FAM151A: variants seen among roughly 807,000 people sequenced by gnomAD.
FAM151A encodes family with sequence similarity 151 member A, also known as protein FAM151A.
FAM151A carries 41 observed loss-of-function variants against 40.4 expected under a neutral mutation model. That is an observed-to-expected ratio of 1.01 (90% CI 0.79 to 1.32). FAM151A has a LOEUF of 1.32. FAM151A is among the 40% of genes most tolerant of loss of function. The pLI is 0.00. For synonymous variants in FAM151A, 337 were observed against 312.5 expected (o/e 1.08, Z -0.83); for missense variants, 740 against 740.4 (o/e 1.00, Z 0.01).
intron 1 of FAM151A, 32 bp downstream of exon 1, chr1:54,623,246 C>A (rs1268047761): frequency 6.9e-7 from 1 of 1,458,152 alleles, no homozygotes; most frequent in South Asian, 1.1e-5. Context: ...ATGAGGGAAG[C>A]CACTCAGGAT....
chr1:54,615,894 G>A (rs1309600470), intron 3 of FAM151A, 126 bp downstream of exon 3: 8 of 968,922 alleles, frequency 8.3e-6, no homozygotes, highest in Non-Finnish European at 1.1e-5. Context: ...ACATTGTGAT[G>A]AGAAAGCCAA....
At chr1:54,615,633 A>G (rs1266887408) in intron 3 of FAM151A, among the ~76,000 whole-genome samples, 1 of 147,722 alleles carries the variant, frequency 6.8e-6, no homozygotes, top group African/African-American at 2.5e-5. Flanking sequence ...AGGGAGAGGG[A>G]GGCATTATGG....
In FAM151A at chr1:54,612,467, TGGG is replaced by T; in HGVS notation, c.800+16_800+18del. On this transcript the variant is annotated intron_variant, in intron 5 of 7. Coordinates refer to ENST00000302250, the MANE Select transcript of FAM151A (RefSeq NM_176782.3). ...ATCAGTGCCTCCAGGAGGGTGGGGG[TGGG>T]TTTGGTGGTTTTCACCTCTCAGATT... 1 of 1,563,032 alleles carries T rather than the reference TGGG, an allele frequency of 6.4e-7. No homozygotes were observed. Among genetic ancestry groups the T allele is most frequent in the South Asian group, 1.1e-5 (1 of 89,634 alleles).
In FAM151A at chr1:54,609,457, T is replaced by C; in HGVS notation, c.1569A>G (p.Gly523=). ...QAMLLGHSTA[G]AIGRLLASSP... ...AGGATGCCAGCAGCCTGCCTATGGC[T>C]CCAGCTGTGCTGTGGCCCAGCAGCA... The change falls in exon 8 of 8, where the codon GGA becomes GGG. Residue 523 remains glycine, a synonymous_variant. Coordinates refer to ENST00000302250, the MANE Select transcript of FAM151A (RefSeq NM_176782.3). 1.2e-6 allele frequency: 2 copies of C among 1,613,628 alleles called. No individual in the cohort carries two copies. The highest frequency in any genetic ancestry group is 8.5e-7 in the Non-Finnish European group (1 of 1,179,992).
intron 1 of FAM151A, chr1:54,621,716 G>T: frequency 6.5e-6 from 1 of 152,882 alleles, no homozygotes. Context: ...GAGGGCAGAG[G>T]GCAGAAAGGC....
intron 2 of FAM151A, among the ~76,000 whole-genome samples, chr1:54,617,104 C>A (rs149602138): frequency 1.1e-3 from 169 of 152,364 alleles, no homozygotes; most frequent in African/African-American, 3.9e-3. Flanking sequence ...CACATCATCA[C>A]TGACACTGAG....
In FAM151A at chr1:54,614,773, G is replaced by T. The variant is rs770058917; in HGVS notation, c.502C>A (p.Arg168=). The T allele has an allele frequency of 2.5e-6, 4 of 1,614,114 alleles. No homozygotes were observed. Among genetic ancestry groups the T allele is most frequent in the East Asian group, 2.2e-5 (1 of 44,880 alleles). ...ATGTCAGCGTTGATCCATATGGGCC[G>T]CCGGACTTTGCCTTCCTCTGTCAGC... The part of the protein sequence containing the change: ...RQLTEEGKVR[R]PIWINADILK... Residue 168 remains arginine, a synonymous_variant, in exon 4 of 8, where the codon CGG becomes AGG. Coordinates refer to ENST00000302250, the MANE Select transcript of FAM151A (RefSeq NM_176782.3).
At chr1:54,621,618 G>A (rs1387272832) in intron 1 of FAM151A, 2 of 152,464 alleles carry the variant, frequency 1.3e-5, no homozygotes, top group African/African-American at 4.8e-5. Context: ...AGAGCTAACA[G>A]GAGCTGACAA....
intron 6 of FAM151A, 180 bp from the exon 7 acceptor site, chr1:54,610,735 ATAAGCAG>A (rs150199047): frequency 0.035 from 34,171 of 982,214 alleles, 801 homozygotes; most frequent in East Asian, 0.17. Context: ...CCAAGGTCTT[ATAAGCAG>A]TAAGCAAAGT....
intron 6 of FAM151A, 69 bp downstream of exon 6, chr1:54,611,537 C>T: frequency 6.5e-7 from 1 of 1,541,996 alleles, no homozygotes; most frequent in Non-Finnish European, 8.9e-7. Context: ...CAGCTCTGCT[C>T]CAGTGCCCAC....
chr1:54,609,260 C>G lies in FAM151A; in HGVS notation c.*8G>C. The stretch of plus-strand genomic sequence containing the variant: ...CCTGAGGTCCGCTGGCCCACCACCC[C>G]TGGGTGCTCAGTTTCTACCAACATG... On this transcript the variant is annotated 3_prime_UTR_variant, in exon 8 of 8. Coordinates refer to ENST00000302250, the MANE Select transcript of FAM151A (RefSeq NM_176782.3). 6.2e-7 allele frequency: 1 copy of G among 1,600,424 alleles called. No homozygotes were observed. The highest frequency in any genetic ancestry group is 8.5e-7 in the Non-Finnish European group (1 of 1,171,230).
rs765149719 is a variant in FAM151A at position 54,616,147 on chromosome 1, G to A, written c.288C>T (p.Asp96=). The A allele has an allele frequency of 2.2e-5, 35 of 1,613,986 alleles. 1 individual carries two copies. Among genetic ancestry groups the A allele is most frequent in the Admixed American group, 1.3e-4 (8 of 59,990 alleles). The change falls in exon 3 of 8, where the codon GAC becomes GAT. Residue 96 remains aspartate (D), a synonymous_variant. Coordinates refer to ENST00000302250, the MANE Select transcript of FAM151A (RefSeq NM_176782.3). ...LNSNITVLEA[D]VNVEGLGTAN... ...CTGTGCCGAGCCCTTCTACATTGAC[G>A]TCAGCCTCCAGGACTGTGATGTTGC...
rs141176241 is a variant in FAM151A, at chr1:54,612,563, C to A, written c.723G>T (p.Arg241Ser). 46 of 1,614,074 alleles carry A rather than the reference C, an allele frequency of 2.8e-5. 1 individual carries two copies. The African/African-American group carries it at 5.7e-4, about 20-fold the overall frequency. ...TGGAAGACCGTACAGGGAAGGTGAC[C>A]CTCTGGGGCACTCCTCCCACCAGCT... ...MHELVGGVPQ[R>S]VTFPVRSSMV... is the part of the protein sequence containing the mutation. The change falls in exon 5 of 8, where the codon AGG (arginine) becomes AGT (serine). Residue 241 changes from arginine (R) to serine (S), a missense_variant. Transcript: ENST00000302250.
Position 54,609,908 on chromosome 1 carries a change from AG to A in FAM151A, c.1117del (p.Leu373SerfsTer21), listed in dbSNP as rs2101012435. 6.2e-7 allele frequency: 1 copy of A among 1,609,926 alleles called. No homozygotes were observed. Among genetic ancestry groups the A allele is most frequent in the African/African-American group, 1.3e-5 (1 of 75,066 alleles). On this transcript the variant is annotated frameshift_variant, in exon 8 of 8. Coordinates refer to ENST00000302250, the MANE Select transcript of FAM151A (RefSeq NM_176782.3). LOFTEE classifies it low-confidence loss of function (END_TRUNC). ...TEGMILLNTGLEGTVAENPVP... is the reference protein window; with the variant it reads ...TEGMILLNTGXEGTVAENPVP... ...GGGGTTTTCAGCCACAGTTCCCTCG[AG>A]GCCAGTGTTCAGCAGGATCATGCCT...
Position 54,609,446 on chromosome 1 carries a change from C to G in FAM151A, c.1580G>C (p.Arg527Thr), listed in dbSNP as rs149944281. 424 of 1,613,826 alleles carry G rather than the reference C, an allele frequency of 2.6e-4. 1 individual carries two copies. In the African/African-American group the frequency reaches 5.2e-3, roughly 20 times the overall value. The change falls in exon 8 of 8, where the codon AGG (arginine) becomes ACG (threonine). Residue 527 changes from arginine (R) to threonine (T), a missense_variant. Physicochemically the swap from Arg to Thr is moderately conservative, Grantham distance 71. Coordinates refer to ENST00000302250, the MANE Select transcript of FAM151A (RefSeq NM_176782.3). ...GGCCCGGGGGGAGGATGCCAGCAGC[C>G]TGCCTATGGCTCCAGCTGTGCTGTG... ...LGHSTAGAIG[R>T]LLASSPRATV...
At position 54,610,531 on chromosome 1, in the gene FAM151A, T is replaced by C; in HGVS notation, c.965A>G (p.Tyr322Cys). ...AGGGATCAGGCTGCCTCCCGTGTAGTACATTGGTTTCCGTGTGGCATTCAC... is the reference window on the plus strand; with the variant it reads ...AGGGATCAGGCTGCCTCCCGTGTAGCACATTGGTTTCCGTGTGGCATTCAC... ...LALNATRKPM[Y>C]YTGGSLIPLL... The change falls in exon 7 of 8, where the codon TAC becomes TGC. Residue 322 changes from tyrosine to cysteine, a missense_variant. Tyr to Cys is a radical substitution (Grantham distance 194). Transcript: ENST00000302250. 1.2e-6 allele frequency: 2 copies of C among 1,612,972 alleles called. No homozygotes were observed. The highest frequency in any genetic ancestry group is 1.7e-6 in the Non-Finnish European group (2 of 1,179,388).
chr1:54,612,757 C>G (rs777614531), intron 4 of FAM151A, 47 bp from the exon 5 acceptor site: 5 of 1,443,368 alleles, frequency 3.5e-6, no homozygotes, highest in Non-Finnish European at 4.9e-6. Context: ...GCAGCGGCCC[C>G]TTCCTCTCCT....
intron 3 of FAM151A, among the ~76,000 whole-genome samples, chr1:54,615,195 C>T (rs1454171189): frequency 2.0e-5 from 3 of 152,108 alleles, no homozygotes; most frequent in Non-Finnish European, 4.4e-5. Flanking sequence ...GCAGGGCAGA[C>T]TCAGAGGGTC....
At chr1:54,613,368 G>A (rs1025479462) in intron 4 of FAM151A, among the ~76,000 whole-genome samples, 6 of 151,514 alleles carry the variant, frequency 4.0e-5, no homozygotes, top group Admixed American at 6.6e-5. Context: ...AACAGAGTGA[G>A]ACTCCATCTC....
Sources: gnomAD v4.1 joint callset for allele counts (sites outside exome capture counted in the v4.1 genomes callset) on GRCh38, gnomAD v4.1.1 for gene constraint, MANE v1.5 for transcripts, NCBI Gene and HGNC (gene_info 2026-07-23, HGNC 2026-07-21) for gene names.